AIMP2: variants seen among roughly 807,000 people sequenced by gnomAD.
AIMP2 encodes aminoacyl tRNA synthase complex-interacting multifunctional protein 2.
AIMP2 carries 20 observed loss-of-function variants against 23.4 expected under a neutral mutation model. That is an observed-to-expected ratio of 0.85 (90% CI 0.60 to 1.24). AIMP2 has a LOEUF of 1.24. AIMP2 is among the 50% of genes most tolerant of loss of function. AIMP2 has a pLI of 0.00. For synonymous variants in AIMP2, 210 were observed against 170.4 expected (o/e 1.23, Z -1.81); for missense variants, 515 against 414.5 (o/e 1.24, Z -2.10).
chr7:6,016,388 TA>T (rs1214805872), intron 2 of AIMP2, among the ~76,000 whole-genome samples: 1 of 152,162 alleles, frequency 6.6e-6, no homozygotes, highest in Admixed American at 6.5e-5. Flanking sequence ...CTTAAAGCCC[TA>T]AAAAATGCAA....
At chr7:6,012,278 A>G (rs933754806) in intron 1 of AIMP2, among the ~76,000 whole-genome samples, 4 of 151,998 alleles carry the variant, frequency 2.6e-5, no homozygotes, top group African/African-American at 9.7e-5. Flanking sequence ...AAAAAAAGCA[A>G]TCAAGTATCT....
intron 1 of AIMP2, among the ~76,000 whole-genome samples, chr7:6,010,848 T>G (rs1275424512): frequency 2.0e-5 from 3 of 150,996 alleles, no homozygotes; most frequent in African/African-American, 7.3e-5. Context: ...TTACCACATC[T>G]CTACATAAAA....
chr7:6,022,015 G>A (rs1182549019), intron 3 of AIMP2, among the ~76,000 whole-genome samples: 1 of 152,114 alleles, frequency 6.6e-6, no homozygotes, highest in Non-Finnish European at 1.5e-5. Context: ...TCAGCGACAT[G>A]AGGACAGTGG....
chr7:6,014,592 G>A (rs151297670), intron 1 of AIMP2, among the ~76,000 whole-genome samples: 312 of 152,004 alleles, frequency 2.1e-3, no homozygotes, highest in African/African-American at 7.1e-3. Context: ...AATTTGCAGG[G>A]ACCTATTGGA....
chr7:6,013,059 C>G (rs1310943079), intron 1 of AIMP2: 1 of 814,940 alleles, frequency 1.2e-6, no homozygotes, highest in Non-Finnish European at 1.5e-6. Context: ...ATGTGAAGAT[C>G]TGTGGTCAGA....
intron 1 of AIMP2, among the ~76,000 whole-genome samples, chr7:6,014,427 T>C (rs184162961): frequency 4.9e-4 from 75 of 151,640 alleles, no homozygotes; most frequent in Admixed American, 1.5e-3. Context: ...CTGGCTTATT[T>C]TTGTATTTTT....
At chr7:6,011,425 T>C (rs1786682752) in intron 1 of AIMP2, among the ~76,000 whole-genome samples, 1 of 152,174 alleles carries the variant, frequency 6.6e-6, no homozygotes, top group Admixed American at 6.6e-5. Flanking sequence ...GCCGCTGTGA[T>C]TGTGCTTTTG....
rs1786923586 is a variant in AIMP2, at chr7:6,014,892, G to A, written c.136-254G>A. The A allele has an allele frequency of 5.6e-6, 3 of 537,506 alleles. No homozygotes were observed. In the African/African-American group the frequency reaches 5.9e-5, roughly 11 times the overall value. The allele number at this position is 537,506 out of a possible 1,614,324, so 33.3% of individuals were successfully genotyped here. On this transcript the variant is annotated intron_variant, in intron 1 of 3. Transcript: ENST00000223029. ...GTGCCACCATGCCAGGCTAATTTTT[G>A]TATTTCTAGTAGAGACGGGGTTTCA... is the stretch of plus-strand genomic sequence containing the variant.
Position 6,009,448 on chromosome 7 carries a change from A to C in AIMP2, c.85A>C (p.Asn29His), listed in dbSNP as rs1381117753. 3.1e-6 allele frequency: 5 copies of C among 1,610,348 alleles called. No individual in the cohort carries two copies. In the African/African-American group the frequency reaches 6.7e-5, roughly 22 times the overall value. The change falls in exon 1 of 4, where the codon AAC becomes CAC. Residue 29 changes from asparagine to histidine, a missense_variant. Asn to His is a moderately conservative substitution (Grantham distance 68). Coordinates refer to ENST00000223029, the MANE Select transcript of AIMP2 (RefSeq NM_006303.4). The part of the protein sequence containing the change: ...ELPTCMYRLP[N>H]VHGRSYGPAP... ...TCCCACCTGCATGTACCGGCTCCCC[A>C]ACGTGCACGGCAGGAGCTACGGCCC...
At chr7:6,022,445 C>T (rs773791638) in intron 3 of AIMP2, 1 of 152,000 alleles carries the variant, frequency 6.6e-6, no homozygotes. Flanking sequence ...CCCTAACCCC[C>T]CCACTGTTCA....
chr7:6,012,638 GC>G, intron 1 of AIMP2: 1 of 319,272 alleles, frequency 3.1e-6, no homozygotes, highest in Non-Finnish European at 6.9e-6. Context: ...GCTCACTGCA[GC>G]CACTGTCTCC....
At chr7:6,023,023 G>A (rs1254285875) in intron 3 of AIMP2, 1 of 343,846 alleles carries the variant, frequency 2.9e-6, no homozygotes, top group Non-Finnish European at 5.3e-6. Flanking sequence ...TTAGGCAGCA[G>A]GGATTGGAGC....
At chr7:6,020,347 G>A (rs572259868) in intron 3 of AIMP2, among the ~76,000 whole-genome samples, 76 of 150,780 alleles carry the variant, frequency 5.0e-4, no homozygotes, top group African/African-American at 1.7e-3. Flanking sequence ...CTTGAACCCA[G>A]GAAGTGGAGG....
intron 3 of AIMP2, among the ~76,000 whole-genome samples, chr7:6,020,132 A>C (rs979626059): frequency 6.6e-6 from 1 of 152,114 alleles, no homozygotes; most frequent in Non-Finnish European, 1.5e-5. Context: ...TTGAAAATGT[A>C]GATTTTGGCC....
At position 6,023,310 on chromosome 7, in the gene AIMP2, G is replaced by T; in HGVS notation, c.582G>T (p.Lys194Asn). 5 of 1,597,128 alleles carry T rather than the reference G, an allele frequency of 3.1e-6. No homozygotes were observed. Among genetic ancestry groups the T allele is most frequent in the Non-Finnish European group, 3.4e-6 (4 of 1,173,274 alleles). ...GFTLIWKNVP[K>N]TQMKFSIQTM... Reference sequence around the variant, plus strand: ...CGTGTTTTTTCTTTTCAGTGCCGAAGACGCAGATGAAATTCAGCATCCAGA... The same window carrying T: ...CGTGTTTTTTCTTTTCAGTGCCGAATACGCAGATGAAATTCAGCATCCAGA... The change falls in exon 4 of 4, where the codon AAG becomes AAT. Residue 194 changes from lysine to asparagine, a missense_variant. Transcript: ENST00000223029.
At chr7:6,013,109 T>A in intron 1 of AIMP2, 1 of 445,842 alleles carries the variant, frequency 2.2e-6, no homozygotes, top group Non-Finnish European at 3.0e-6. Context: ...ACAGTGTGGC[T>A]AGAGCACAGG....
At chr7:6,022,247 T>A (rs1787477914) in intron 3 of AIMP2, 2 of 152,138 alleles carry the variant, frequency 1.3e-5, no homozygotes, top group African/African-American at 4.8e-5. Context: ...AGCATCCTTA[T>A]TATTTTCTTA....
chr7:6,014,818 C>T (rs890087376), intron 1 of AIMP2: 2 of 278,804 alleles, frequency 7.2e-6, no homozygotes, highest in Middle Eastern at 2.7e-3. Context: ...CTCCTGGGTT[C>T]AAGTGGTTCT....
At chr7:6,014,219 G>A (rs1786873039) in intron 1 of AIMP2, among the ~76,000 whole-genome samples, 1 of 147,676 alleles carries the variant, frequency 6.8e-6, no homozygotes, top group Non-Finnish European at 1.5e-5. Context: ...ATTTCAGAGT[G>A]GCTTTTAGCC....
Sources: gnomAD v4.1 joint callset for allele counts (sites outside exome capture counted in the v4.1 genomes callset) on GRCh38, gnomAD v4.1.1 for gene constraint, MANE v1.5 for transcripts, NCBI Gene and HGNC (gene_info 2026-07-23, HGNC 2026-07-21) for gene names.